The following PRKCE variants were observed in gnomAD, a reference collection of about 807,000 sequenced individuals.
The protein encoded by PRKCE is protein kinase C epsilon type.
In PRKCE, 16 loss-of-function variants were observed where a neutral mutation model predicts 85.4. The observed-to-expected ratio is 0.19, with a 90% CI of 0.13 to 0.28. PRKCE has a LOEUF of 0.28. PRKCE is among the 10% of genes least tolerant of loss of function. PRKCE has a pLI of 1.00. For missense variants in PRKCE, 573 were observed against 975.2 expected (o/e 0.59, Z 5.49); for synonymous variants, 388 against 371.5 (o/e 1.04, Z -0.51).
intron 2 of PRKCE, among the ~76,000 whole-genome samples, chr2:45,925,518 A>T (rs924020898): frequency 6.6e-6 from 1 of 151,988 alleles, no homozygotes; most frequent in Admixed American, 6.5e-5. Flanking sequence ...GTGGTCTCGA[A>T]CTCCTGACCT....
intron 2 of PRKCE, among the ~76,000 whole-genome samples, chr2:45,878,942 A>G (rs1694677544): frequency 6.6e-6 from 1 of 152,188 alleles, no homozygotes; most frequent in Non-Finnish European, 1.5e-5. Context: ...TTTTAAATTG[A>G]CATAAAATAA....
intron 8 of PRKCE, among the ~76,000 whole-genome samples, chr2:46,005,826 T>G (rs1327704601): frequency 6.6e-6 from 1 of 152,236 alleles, no homozygotes; most frequent in Non-Finnish European, 1.5e-5. Flanking sequence ...ATTTGAAGCA[T>G]TCATAAGTAG....
intron 1 of PRKCE, among the ~76,000 whole-genome samples, chr2:45,655,423 T>C (rs931748676): frequency 1.3e-5 from 2 of 150,638 alleles, no homozygotes; most frequent in African/African-American, 5.0e-5. Context: ...AAGACAATTC[T>C]TCTTCCGATG....
chr2:46,079,723 T>C (rs1237410870), intron 10 of PRKCE, among the ~76,000 whole-genome samples: 1 of 152,238 alleles, frequency 6.6e-6, no homozygotes, highest in African/African-American at 2.4e-5. Flanking sequence ...AGAATCTGTG[T>C]GTCCAAAGAA....
chr2:45,736,936 C>G (rs1573128575), intron 1 of PRKCE, among the ~76,000 whole-genome samples: 2 of 152,290 alleles, frequency 1.3e-5, no homozygotes, highest in East Asian at 3.9e-4. Context: ...AAATCCCAGT[C>G]CCAGAAAATG....
intron 2 of PRKCE, among the ~76,000 whole-genome samples, chr2:45,952,261 G>A (rs1330181249): frequency 6.6e-6 from 1 of 152,156 alleles, no homozygotes; most frequent in Non-Finnish European, 1.5e-5. Context: ...GGTGGTGGTC[G>A]GCAAAAGAGC....
intron 14 of PRKCE, among the ~76,000 whole-genome samples, chr2:46,174,665 C>T (rs1343727456): frequency 6.6e-6 from 1 of 152,032 alleles, no homozygotes; most frequent in African/African-American, 2.4e-5. Flanking sequence ...ATGCCCCACT[C>T]ATTAGAGAGA....
intron 1 of PRKCE, among the ~76,000 whole-genome samples, chr2:45,804,915 T>G (rs146996611): frequency 3.1e-4 from 47 of 152,020 alleles, no homozygotes; most frequent in African/African-American, 1.1e-3. Flanking sequence ...TTTAAGCCTT[T>G]TAAAGACTTT....
chr2:46,105,357 A>C (rs1323754397), intron 11 of PRKCE, among the ~76,000 whole-genome samples: 3 of 152,056 alleles, frequency 2.0e-5, no homozygotes, highest in Admixed American at 2.0e-4. Flanking sequence ...GCCTTTCAAT[A>C]CAAAATTAAA....
chr2:45,847,746 T>A (rs1244133238), intron 2 of PRKCE, among the ~76,000 whole-genome samples: 1 of 152,246 alleles, frequency 6.6e-6, no homozygotes, highest in African/African-American at 2.4e-5. Flanking sequence ...CCTGGTTCGA[T>A]CTTTTTATTT....
At chr2:45,682,773 A>G (rs1572929883) in intron 1 of PRKCE, among the ~76,000 whole-genome samples, 1 of 151,984 alleles carries the variant, frequency 6.6e-6, no homozygotes, top group Non-Finnish European at 1.5e-5. Context: ...TTTTAGTAGA[A>G]ACGGGGTTTC....
intron 10 of PRKCE, among the ~76,000 whole-genome samples, chr2:46,074,900 C>T (rs1034123844): frequency 2.0e-5 from 3 of 152,228 alleles, no homozygotes; most frequent in East Asian, 3.8e-4. Flanking sequence ...GAGTCTCATG[C>T]AGTCCCTACA....
intron 1 of PRKCE, among the ~76,000 whole-genome samples, chr2:45,667,378 C>T (rs949282943): frequency 9.9e-5 from 15 of 152,092 alleles, no homozygotes; most frequent in Admixed American, 9.8e-4. Context: ...AAACTCCTGG[C>T]ATCAAGTGAT....
intron 14 of PRKCE, among the ~76,000 whole-genome samples, chr2:46,170,779 T>G (rs1434275871): frequency 6.6e-6 from 1 of 152,192 alleles, no homozygotes; most frequent in Non-Finnish European, 1.5e-5. Context: ...AGGCACATAT[T>G]AGAATGTTTA....
At chr2:45,823,478 G>A (rs189436690) in intron 1 of PRKCE, among the ~76,000 whole-genome samples, 68 of 152,334 alleles carry the variant, frequency 4.5e-4, no homozygotes, top group African/African-American at 1.6e-3. Context: ...AAGAATCAGA[G>A]AGTGACTTGA....
chr2:45,882,470 C>T (rs1260259104), intron 2 of PRKCE, among the ~76,000 whole-genome samples: 1 of 152,208 alleles, frequency 6.6e-6, no homozygotes, highest in Non-Finnish European at 1.5e-5. Flanking sequence ...GGGTCCTCCT[C>T]CATTGCTGGG....
chr2:46,038,074 T>C (rs1433123273), intron 10 of PRKCE, among the ~76,000 whole-genome samples: 7 of 152,234 alleles, frequency 4.6e-5, no homozygotes, highest in Non-Finnish European at 7.3e-5. Context: ...GTCTTGCATC[T>C]GCTGAGGATG....
At chr2:45,829,012 A>G (rs1413765599) in intron 1 of PRKCE, among the ~76,000 whole-genome samples, 4 of 64,708 alleles carry the variant, frequency 6.2e-5, no homozygotes, top group Non-Finnish European at 8.5e-5. Context: ...ATGTTATTAC[A>G]TATAATTCAA....
chr2:45,878,057 G>A (rs1694608016), intron 2 of PRKCE, among the ~76,000 whole-genome samples: 1 of 152,204 alleles, frequency 6.6e-6, no homozygotes, highest in African/African-American at 2.4e-5. Flanking sequence ...GTTGGTCAGG[G>A]AGATGGATTT....
Sources: gnomAD v4.1 joint callset for allele counts (sites outside exome capture counted in the v4.1 genomes callset) on GRCh38, gnomAD v4.1.1 for gene constraint, MANE v1.5 for transcripts, NCBI Gene and HGNC (gene_info 2026-07-23, HGNC 2026-07-21) for gene names.